Variants in AKAP11 observed in about 807,000 individuals in gnomAD.
AKAP11 encodes the protein A-kinase anchoring protein 11.
In AKAP11, 36 loss-of-function variants were observed where a neutral mutation model predicts 146.1. That is an observed-to-expected ratio of 0.25 (90% CI 0.19 to 0.33). The LOEUF is 0.33. Ranked by LOEUF, AKAP11 falls within the 10% of genes least tolerant of loss-of-function variation. The pLI is 1.00. For missense variants in AKAP11, 2,201 were observed against 2,197.0 expected (o/e 1.00, Z -0.04); for synonymous variants, 780 against 786.5 (o/e 0.99, Z 0.14).
At chr13:42,288,405 G>A (rs1959182001) in intron 3 of AKAP11, among the ~76,000 whole-genome samples, 2 of 152,140 alleles carry the variant, frequency 1.3e-5, no homozygotes, top group South Asian at 4.1e-4. Flanking sequence ...TTTGCTTTGT[G>A]TCTGTGTATG....
intron 12 of AKAP11, among the ~76,000 whole-genome samples, chr13:42,318,134 C>T (rs1023968996): frequency 6.6e-6 from 1 of 152,126 alleles, no homozygotes; most frequent in Non-Finnish European, 1.5e-5. Flanking sequence ...TTTGTATGAG[C>T]AGCTGTCATA....
intron 3 of AKAP11, among the ~76,000 whole-genome samples, chr13:42,289,363 A>G (rs1002960276): frequency 1.3e-5 from 2 of 152,208 alleles, no homozygotes; most frequent in Non-Finnish European, 2.9e-5. Context: ...CAGTGGTAGC[A>G]AGTGAGTTTA....
intron 3 of AKAP11, among the ~76,000 whole-genome samples, chr13:42,287,032 C>A (rs532161752): frequency 6.6e-6 from 1 of 152,344 alleles, no homozygotes; most frequent in South Asian, 2.1e-4. Flanking sequence ...CCAATCCTTA[C>A]ACATTAAGAC....
At chr13:42,308,636 G>A (rs748839367) in intron 9 of AKAP11, 27 bp downstream of exon 9, 8 of 1,576,522 alleles carry the variant, frequency 5.1e-6, no homozygotes, top group Non-Finnish European at 6.1e-6. Context: ...ATATAATTGT[G>A]TAGTTTAGGT....
At chr13:42,278,040 TG>T in intron 1 of AKAP11, among the ~76,000 whole-genome samples, 1 of 152,316 alleles carries the variant, frequency 6.6e-6, no homozygotes, top group Non-Finnish European at 1.5e-5. Flanking sequence ...TGAGTGCTAC[TG>T]GCATCTAGTG....
chr13:42,301,988 A>T lies in AKAP11; in HGVS notation c.3242A>T (p.Asp1081Val), dbSNP rs752466743. ...TFSSTALTCV[D>V]GLHVEDKQKV... ...TCATCTACAGCACTTACCTGTGTAGATGGTTTGCATGTGGAAGATAAACAG... is the reference window on the plus strand; with the variant it reads ...TCATCTACAGCACTTACCTGTGTAGTTGGTTTGCATGTGGAAGATAAACAG... Residue 1081 changes from aspartate to valine, a missense_variant, in exon 8 of 13, where the codon GAT (aspartate) becomes GTT (valine). Asp to Val is a radical substitution (Grantham distance 152). Around this residue, in one of 3 missense-constraint regions of AKAP11, gnomAD observed 1,867 missense variants for 1,833.5 expected, o/e 1.02. Coordinates refer to ENST00000025301, the MANE Select transcript of AKAP11 (RefSeq NM_016248.4). The T allele has an allele frequency of 7.4e-6, 12 of 1,614,054 alleles. No homozygotes were observed. The highest frequency in any genetic ancestry group is 1.0e-5 in the Non-Finnish European group (12 of 1,179,972).
At chr13:42,295,657 A>T (rs771473600) in intron 4 of AKAP11, 38 bp from the exon 5 acceptor site, 3 of 1,593,778 alleles carry the variant, frequency 1.9e-6, no homozygotes, top group Non-Finnish European at 2.6e-6. Context: ...AAGATTTAAA[A>T]ATTCAAATTA....
Position 42,303,144 on chromosome 13 carries a change from A to C in AKAP11, c.4398A>C (p.Thr1466=). 1 of 1,614,208 alleles carries C rather than the reference A, an allele frequency of 6.2e-7. No individual in the cohort carries two copies. Among genetic ancestry groups the C allele is most frequent in the Non-Finnish European group, 8.5e-7 (1 of 1,180,030 alleles). Residue 1466 remains threonine, a synonymous_variant, in exon 8 of 13, where the codon ACA becomes ACC. Coordinates refer to ENST00000025301, the MANE Select transcript of AKAP11 (RefSeq NM_016248.4). ...SFSTSLVHSI[T]KDAKEELTAS... ...CAACCTCTCTGGTTCACAGCATAAC[A>C]AAAGATGCTAAGGAAGAGTTGACAG...
chr13:42,295,575 T>C (rs1187310373), intron 4 of AKAP11, 120 bp from the exon 5 acceptor site: 4 of 900,392 alleles, frequency 4.4e-6, no homozygotes, highest in Non-Finnish European at 5.0e-6. Flanking sequence ...TTGAAAAAAA[T>C]CCTTTTCAAG....
intron 1 of AKAP11, among the ~76,000 whole-genome samples, chr13:42,272,645 T>G (rs1440665729): frequency 6.6e-6 from 1 of 152,162 alleles, no homozygotes; most frequent in Non-Finnish European, 1.5e-5. Flanking sequence ...TTTGCAGCGG[T>G]TGGGAGGACG....
intron 9 of AKAP11, among the ~76,000 whole-genome samples, chr13:42,311,217 C>A (rs1414757679): frequency 1.3e-5 from 2 of 152,062 alleles, no homozygotes; most frequent in Non-Finnish European, 2.9e-5. Flanking sequence ...AGTACTTATA[C>A]CACTGGTTGG....
At chr13:42,315,508 T>C (rs1312734088) in intron 11 of AKAP11, among the ~76,000 whole-genome samples, 3 of 151,734 alleles carry the variant, frequency 2.0e-5, no homozygotes, top group South Asian at 2.1e-4. Context: ...TATAAATGCA[T>C]GTGGTTACGT....
Position 42,321,766 on chromosome 13 carries a change from A to G in AKAP11, c.*2538A>G, listed in dbSNP as rs2138749422. ...TATTACAAATTGGCTTGACATATTT[A>G]TACTGTAACATTGTAATATTGCTGT... On this transcript the variant is annotated 3_prime_UTR_variant, in exon 13 of 13. Transcript: ENST00000025301. 1 of 152,424 alleles carries G rather than the reference A, an allele frequency of 6.6e-6. No individual in the cohort carries two copies. Among genetic ancestry groups the G allele is most frequent in the Middle Eastern group, 3.4e-3 (1 of 294 alleles). The allele number at this position is 152,424 out of a possible 1,614,324, so 9.4% of individuals were successfully genotyped here.
chr13:42,292,817 A>T (rs964080869), intron 4 of AKAP11, among the ~76,000 whole-genome samples: 1 of 152,104 alleles, frequency 6.6e-6, no homozygotes, highest in Non-Finnish European at 1.5e-5. Flanking sequence ...CTTTAATATG[A>T]ATTTTTCTAC....
intron 8 of AKAP11, 47 bp from the exon 9 acceptor site, chr13:42,308,407 C>A: frequency 6.8e-7 from 1 of 1,464,458 alleles, no homozygotes; most frequent in Non-Finnish European, 9.3e-7. Context: ...AGTTCAGAAT[C>A]TGGGATGCTT....
intron 3 of AKAP11, among the ~76,000 whole-genome samples, chr13:42,291,969 GT>G (rs1291967697): frequency 6.6e-6 from 1 of 152,144 alleles, no homozygotes; most frequent in East Asian, 1.9e-4. Context: ...AATCACTGTT[GT>G]TAAGGGAGTA....
rs777003677 is a variant in AKAP11, at chr13:42,299,471, A to G, written c.725A>G (p.Gln242Arg). Residue 242 changes from glutamine (Q) to arginine (R), a missense_variant, in exon 8 of 13, where the codon CAG becomes CGG. Physicochemically the swap from Gln to Arg is conservative, Grantham distance 43. Around this residue, in one of 3 missense-constraint regions of AKAP11, gnomAD observed 331 missense variants for 347.4 expected, o/e 0.95. Transcript: ENST00000025301. ...DLKILISSGQ[Q>R]KSLAKPSTSS... ...AAGATTCTCATTAGCTCTGGACAGC[A>G]GAAGTCATTGGCTAAACCCTCAACT... 3 of 1,613,944 alleles carry G rather than the reference A, an allele frequency of 1.9e-6. No homozygotes were observed. The highest frequency in any genetic ancestry group is 2.5e-6 in the Non-Finnish European group (3 of 1,179,850).
chr13:42,282,761 C>G (rs191625435), intron 1 of AKAP11, among the ~76,000 whole-genome samples: 2 of 152,246 alleles, frequency 1.3e-5, no homozygotes, highest in East Asian at 3.9e-4. Flanking sequence ...TAGTGGTTCA[C>G]TTCGTAGTTG....
At chr13:42,276,326 A>G (rs1958916753) in intron 1 of AKAP11, among the ~76,000 whole-genome samples, 1 of 151,844 alleles carries the variant, frequency 6.6e-6, no homozygotes, top group Non-Finnish European at 1.5e-5. Flanking sequence ...GCTCACTGCA[A>G]CCTCCTCCTC....
Sources: gnomAD v4.1 joint callset for allele counts (sites outside exome capture counted in the v4.1 genomes callset) on GRCh38, gnomAD v4.1.1 for gene constraint, gnomAD v4.1.1 regional missense constraint, MANE v1.5 for transcripts, NCBI Gene and HGNC (gene_info 2026-07-23, HGNC 2026-07-21) for gene names.